Variants in FRMD4A observed in about 807,000 individuals in gnomAD.
The protein encoded by FRMD4A is FERM domain containing 4A.
A neutral mutation model predicts 129.1 loss-of-function variants in FRMD4A; 29 were observed. That is an observed-to-expected ratio of 0.22 (90% confidence interval 0.17 to 0.31). The LOEUF is 0.31. Ranked by LOEUF, FRMD4A falls within the 10% of genes least tolerant of loss-of-function variation. The pLI is 1.00. For missense variants in FRMD4A, 1,272 were observed against 1,375.8 expected (o/e 0.92, Z 1.19); for synonymous variants, 634 against 571.6 (o/e 1.11, Z -1.56).
intron 3 of FRMD4A, among the ~76,000 whole-genome samples, chr10:13,823,584 A>AT (rs199738158): frequency 7.2e-5 from 11 of 152,148 alleles, no homozygotes; most frequent in African/African-American, 1.2e-4. Flanking sequence ...TGCCACTTCC[A>AT]TTTTTTTGTT....
chr10:13,656,967 C>A lies in FRMD4A; in HGVS notation c.2622G>T (p.Thr874=). Residue 874 remains threonine, a synonymous_variant, in exon 22 of 25, where the codon ACG becomes ACT. Transcript: ENST00000357447. ...KAQFKTSNSY[T]AGGLFKESWR... The stretch of plus-strand genomic sequence containing the variant: ...AGCTCTCCTTGAACAGGCCGCCCGC[C>A]GTGTAGGAGTTGGACGTCTTGAACT... 6.5e-7 allele frequency: 1 copy of A among 1,542,666 alleles called. No individual in the cohort carries two copies. The highest frequency in any genetic ancestry group is 8.7e-7 in the Non-Finnish European group (1 of 1,151,922).
At chr10:14,189,312 G>A (rs896877511) in intron 2 of FRMD4A, among the ~76,000 whole-genome samples, 6 of 152,162 alleles carry the variant, frequency 3.9e-5, no homozygotes, top group Non-Finnish European at 8.8e-5. Context: ...GGTTGCTCAC[G>A]CCTGTAATCC....
chr10:13,708,720 G>A (rs2087722432), intron 12 of FRMD4A, among the ~76,000 whole-genome samples: 1 of 152,178 alleles, frequency 6.6e-6, no homozygotes, highest in African/African-American at 2.4e-5. Context: ...ACAGACCCAG[G>A]TCTCATGGTC....
rs1025685083 is a variant in FRMD4A, at chr10:13,908,174, A to C, written c.46-49262T>G. On this transcript the variant is annotated intron_variant, in intron 2 of 24. Transcript: ENST00000357447. ...GACGGAAACTCCATCTAAAAAAAAA[A>C]AAAAAAAAAAAAAAAAGGACAGAAA... 1.8e-3 allele frequency among the ~76,000 whole-genome samples: 268 copies of C among 149,198 alleles called. 2 individuals are homozygous for C. Among genetic ancestry groups the C allele is most frequent in the African/African-American group, 6.3e-3 (250 of 39,874 alleles).
intron 2 of FRMD4A, among the ~76,000 whole-genome samples, chr10:14,129,677 G>T (rs926867825): frequency 6.6e-6 from 1 of 151,972 alleles, no homozygotes; most frequent in Non-Finnish European, 1.5e-5. Flanking sequence ...GTCGCCTTGG[G>T]TAATTAGTTC....
At chr10:14,205,352 T>C (rs1842752104) in intron 2 of FRMD4A, among the ~76,000 whole-genome samples, 1 of 152,034 alleles carries the variant, frequency 6.6e-6, no homozygotes, top group South Asian at 2.1e-4. Context: ...CTCTCGGCCA[T>C]GGGAGGATTA....
In FRMD4A at chr10:13,683,125, T is replaced by G. The variant is rs572201708; in HGVS notation, c.1118-8081A>C. On this transcript the variant is annotated intron_variant, in intron 15 of 24. Transcript: ENST00000357447. ...CCTCCGCCTCCTGGGTTCAAGTGAT[T>G]CTCCTGCCTCAGCCTCCCATGTAGC... Among the ~76,000 whole-genome samples the G allele has an allele frequency of 9.2e-5, 14 of 151,558 alleles. No individual in the cohort carries two copies. The South Asian group carries it at 2.9e-3, about 32-fold the overall frequency.
chr10:13,699,236 T>TG lies in FRMD4A; in HGVS notation c.975+2103_975+2104insC, dbSNP rs56671340. Among the ~76,000 whole-genome samples, 50 of 142,092 alleles carry TG rather than the reference T, an allele frequency of 3.5e-4. 1 individual carries two copies. The highest frequency in any genetic ancestry group is 5.8e-4 in the African/African-American group (22 of 37,676). 93.2% of individuals were successfully genotyped at this position (142,092 alleles called of 152,430 possible). A position where few individuals can be genotyped will look rare whatever the true frequency, so the allele number is the denominator to read the frequency against. Reference sequence around the variant, plus strand: ...ATGCTTGGTTATTGTTTTTTTTTTTTTTTTTTTTTTTTGTATTTTTAGTAA... The same window carrying TG: ...ATGCTTGGTTATTGTTTTTTTTTTTTGTTTTTTTTTTTTGTATTTTTAGTAA... On this transcript the variant is annotated intron_variant, in intron 14 of 24. Coordinates refer to ENST00000357447, the MANE Select transcript of FRMD4A (RefSeq NM_018027.5).
chr10:14,159,396 G>A (rs191423947), intron 2 of FRMD4A, among the ~76,000 whole-genome samples: 1 of 151,956 alleles, frequency 6.6e-6, no homozygotes, highest in Non-Finnish European at 1.5e-5. Flanking sequence ...AAAATACTGA[G>A]GAAGAAATTT....
At chr10:14,144,084 G>C (rs1839966522) in intron 2 of FRMD4A, among the ~76,000 whole-genome samples, 1 of 152,168 alleles carries the variant, frequency 6.6e-6, no homozygotes, top group Non-Finnish European at 1.5e-5. Context: ...ATGTGGGGCA[G>C]TGCACATGAC....
chr10:14,143,072 C>T (rs1030232924), intron 2 of FRMD4A, among the ~76,000 whole-genome samples: 1 of 152,164 alleles, frequency 6.6e-6, no homozygotes, highest in African/African-American at 2.4e-5. Flanking sequence ...CTGTGGAAAA[C>T]AGTATGGTGG....
At chr10:14,285,275 A>G (rs745970965) in intron 2 of FRMD4A, among the ~76,000 whole-genome samples, 10 of 152,320 alleles carry the variant, frequency 6.6e-5, no homozygotes, top group African/African-American at 1.7e-4. Flanking sequence ...TCTGAGCCCA[A>G]TTATTGTTTT....
rs556357924 is a variant in FRMD4A at position 13,803,005 on chromosome 10, T to C, written c.207-6417A>G. The stretch of plus-strand genomic sequence containing the variant: ...TCTACTAAAAATACAAAAAATTAGC[T>C]GGGTGTGGTGGCGGATGCCTGTAAT... On this transcript the variant is annotated intron_variant, in intron 4 of 24. Coordinates refer to ENST00000357447, the MANE Select transcript of FRMD4A (RefSeq NM_018027.5). Among the ~76,000 whole-genome samples, 591 of 152,102 alleles carry C rather than the reference T, an allele frequency of 3.9e-3. 3 individuals are homozygous for C. The highest frequency in any genetic ancestry group is 0.013 in the African/African-American group (556 of 41,514).
At chr10:13,927,958 T>A (rs1475447283) in intron 2 of FRMD4A, among the ~76,000 whole-genome samples, 1 of 152,060 alleles carries the variant, frequency 6.6e-6, no homozygotes, top group Non-Finnish European at 1.5e-5. Flanking sequence ...AGCTCAATGA[T>A]CCATTTTTAA....
intron 12 of FRMD4A, among the ~76,000 whole-genome samples, chr10:13,724,745 A>G (rs547883047): frequency 3.0e-4 from 45 of 152,016 alleles, no homozygotes; most frequent in Non-Finnish European, 5.0e-4. Flanking sequence ...GTTGTGTTTG[A>G]CCCCTACTGT....
At chr10:13,924,652 C>T (rs1050084397) in intron 2 of FRMD4A, among the ~76,000 whole-genome samples, 4 of 152,102 alleles carry the variant, frequency 2.6e-5, no homozygotes, top group African/African-American at 9.7e-5. Flanking sequence ...TGACACAGTA[C>T]AGATTTTATA....
At chr10:13,696,711 G>C (rs1296306460) in intron 14 of FRMD4A, among the ~76,000 whole-genome samples, 6 of 151,618 alleles carry the variant, frequency 4.0e-5, no homozygotes, top group African/African-American at 1.2e-4. Context: ...GCCACTGCCT[G>C]ATCTCATTCC....
rs1266726125 is a variant in FRMD4A, at chr10:13,989,631, A to G, written c.46-130719T>C. 2.0e-5 allele frequency among the ~76,000 whole-genome samples: 3 copies of G among 152,174 alleles called. No homozygotes were observed. In the East Asian group the frequency reaches 5.8e-4, roughly 29 times the overall value. On this transcript the variant is annotated intron_variant, in intron 2 of 24. Coordinates refer to ENST00000357447, the MANE Select transcript of FRMD4A (RefSeq NM_018027.5). Reference sequence around the variant, plus strand: ...CGTGAGCCAACGCGCCCAGCCAATAATTGATTTTAAATAAGAATACATGGA... The same window carrying G: ...CGTGAGCCAACGCGCCCAGCCAATAGTTGATTTTAAATAAGAATACATGGA...
chr10:14,189,987 C>G (rs1030354040), intron 2 of FRMD4A, among the ~76,000 whole-genome samples: 1 of 152,184 alleles, frequency 6.6e-6, no homozygotes, highest in Non-Finnish European at 1.5e-5. Flanking sequence ...ACATGAAGCA[C>G]CTTGATACCT....
Sources: gnomAD v4.1 joint callset for allele counts (sites outside exome capture counted in the v4.1 genomes callset) on GRCh38, gnomAD v4.1.1 for gene constraint, MANE v1.5 for transcripts, NCBI Gene and HGNC (gene_info 2026-07-23, HGNC 2026-07-21) for gene names.